SGCD: variants seen among roughly 807,000 people sequenced by gnomAD.
SGCD encodes the protein delta-sarcoglycan.
Under a neutral mutation model 36.6 loss-of-function variants are expected in SGCD, and 18 were observed. The observed-to-expected ratio is 0.49, with a 90% CI of 0.34 to 0.73. SGCD has a LOEUF of 0.73. Among genes scored for constraint, SGCD ranks in the 30% least tolerant of loss-of-function variants. SGCD has a pLI of 0.01. For missense variants in SGCD, 387 were observed against 346.7 expected (o/e 1.12, Z -0.92); for synonymous variants, 133 against 130.6 (o/e 1.02, Z -0.12).
At chr5:156,333,524 A>G (rs1011074014) in intron 2 of SGCD, among the ~76,000 whole-genome samples, 2 of 152,188 alleles carry the variant, frequency 1.3e-5, no homozygotes, top group East Asian at 1.9e-4. Context: ...AGCATTTAAT[A>G]TAAGAAATGA....
chr5:156,586,476 G>T (rs1760500149), intron 4 of SGCD, among the ~76,000 whole-genome samples: 1 of 152,170 alleles, frequency 6.6e-6, no homozygotes, highest in Non-Finnish European at 1.5e-5. Flanking sequence ...TCTTTGAAAT[G>T]AAGATACTAG....
the SGCD span, among the ~76,000 whole-genome samples, chr5:155,744,502 G>A: frequency 6.6e-6 from 1 of 151,982 alleles, no homozygotes; most frequent in Non-Finnish European, 1.5e-5. Flanking sequence ...ATTTGAAGGA[G>A]TAAAAAGCAA....
Position 156,547,441 on chromosome 5 carries a change from CT to C in SGCD, c.294+38753del, listed in dbSNP as rs398065337. On this transcript the variant is annotated intron_variant, in intron 4 of 8. Transcript: ENST00000337851. ...AAAGATAGAAGAAATGATAATATGACTTTTTTTTTTTTTTCTTTTGAGATGG... is the reference window on the plus strand; with the variant it reads ...AAAGATAGAAGAAATGATAATATGACTTTTTTTTTTTTTCTTTTGAGATGG... Among the ~76,000 whole-genome samples the C allele has an allele frequency of 5.0e-3, 730 of 145,170 alleles. 6 individuals are homozygous for C. The highest frequency in any genetic ancestry group is 0.012 in the African/African-American group (465 of 39,462).
At chr5:155,779,876 A>T in the SGCD span, among the ~76,000 whole-genome samples, 1 of 152,116 alleles carries the variant, frequency 6.6e-6, no homozygotes, top group Non-Finnish European at 1.5e-5. Flanking sequence ...TTAATTTTTT[A>T]AATTTGTATT....
intron 7 of SGCD, among the ~76,000 whole-genome samples, chr5:156,732,274 T>C (rs1756118182): frequency 6.6e-6 from 1 of 152,062 alleles, no homozygotes; most frequent in Non-Finnish European, 1.5e-5. Context: ...ATACTGGCTA[T>C]GGGTCTAATA....
At chr5:155,795,446 A>C in the SGCD span, among the ~76,000 whole-genome samples, 1 of 152,118 alleles carries the variant, frequency 6.6e-6, no homozygotes, top group African/African-American at 2.4e-5. Context: ...CAGAAAGTAG[A>C]AAAAGTAATG....
intron 1 of SGCD, among the ~76,000 whole-genome samples, chr5:155,903,368 T>A (rs1305895664): frequency 6.6e-6 from 1 of 152,202 alleles, no homozygotes; most frequent in East Asian, 1.9e-4. Flanking sequence ...GGGCAGAGAT[T>A]TTTTTGTTGT....
At chr5:155,883,730 A>G (rs1461675378) in intron 1 of SGCD, among the ~76,000 whole-genome samples, 1 of 149,408 alleles carries the variant, frequency 6.7e-6, no homozygotes, top group African/African-American at 2.5e-5. Flanking sequence ...GTGTGTACAT[A>G]CTATTGGAAA....
At chr5:156,702,174 A>C (rs1000529838) in intron 7 of SGCD, among the ~76,000 whole-genome samples, 3 of 152,172 alleles carry the variant, frequency 2.0e-5, no homozygotes, top group Non-Finnish European at 4.4e-5. Flanking sequence ...ACAGGATGCA[A>C]TTGATAATAA....
intron 1 of SGCD, among the ~76,000 whole-genome samples, chr5:155,898,458 A>T (rs904159568): frequency 6.6e-6 from 1 of 152,226 alleles, no homozygotes; most frequent in Non-Finnish European, 1.5e-5. Context: ...ATTTAGAAAG[A>T]TGGTGACACT....
chr5:156,046,998 G>C (rs536404099), intron 1 of SGCD, among the ~76,000 whole-genome samples: 9 of 152,116 alleles, frequency 5.9e-5, no homozygotes, highest in Non-Finnish European at 1.0e-4. Context: ...AACAAAAAAA[G>C]AAAGTGAAAC....
At chr5:155,890,726 C>A (rs1425088919) in intron 1 of SGCD, among the ~76,000 whole-genome samples, 8 of 152,106 alleles carry the variant, frequency 5.3e-5, no homozygotes, top group African/African-American at 1.7e-4. Context: ...GGACACAGGG[C>A]AGGTGTGGAG....
chr5:156,756,947 A>G (rs1304105089), intron 7 of SGCD, among the ~76,000 whole-genome samples: 1 of 152,216 alleles, frequency 6.6e-6, no homozygotes, highest in African/African-American at 2.4e-5. Flanking sequence ...TTGTAACAAT[A>G]GTAACAGCAG....
intron 1 of SGCD, among the ~76,000 whole-genome samples, chr5:156,006,007 C>A (rs1419510254): frequency 1.3e-5 from 2 of 152,326 alleles, no homozygotes; most frequent in East Asian, 1.9e-4. Flanking sequence ...ATCTACATTT[C>A]TCTCTTCTGT....
At chr5:156,611,086 C>T (rs539565933) in intron 6 of SGCD, among the ~76,000 whole-genome samples, 1 of 152,350 alleles carries the variant, frequency 6.6e-6, no homozygotes, top group South Asian at 2.1e-4. Context: ...TGAGATGAAC[C>T]TGGTACCTCA....
chr5:156,339,489 T>C (rs926244756), intron 2 of SGCD, among the ~76,000 whole-genome samples: 1 of 152,242 alleles, frequency 6.6e-6, no homozygotes, highest in East Asian at 1.9e-4. Flanking sequence ...TGGCTTGATT[T>C]TTATTCATTT....
At chr5:155,942,039 A>C (rs775618587) in intron 1 of SGCD, among the ~76,000 whole-genome samples, 1 of 152,218 alleles carries the variant, frequency 6.6e-6, no homozygotes, top group Non-Finnish European at 1.5e-5. Flanking sequence ...CTGATGTCAA[A>C]GTCCATGTTC....
intron 3 of SGCD, among the ~76,000 whole-genome samples, chr5:156,449,676 A>G (rs10055611): frequency 2.2e-5 from 3 of 134,954 alleles, no homozygotes; most frequent in Non-Finnish European, 4.8e-5. Flanking sequence ...TACTAAAAAT[A>G]CAAAAAAAAA....
chr5:156,501,388 G>A (rs1204375984), intron 3 of SGCD, among the ~76,000 whole-genome samples: 2 of 152,146 alleles, frequency 1.3e-5, no homozygotes, highest in Admixed American at 6.5e-5. Flanking sequence ...AAGGGAGTCA[G>A]GGGAAGGAGA....
Sources: gnomAD v4.1 joint callset for allele counts (sites outside exome capture counted in the v4.1 genomes callset) on GRCh38, gnomAD v4.1.1 for gene constraint, MANE v1.5 for transcripts, NCBI Gene and HGNC (gene_info 2026-07-23, HGNC 2026-07-21) for gene names.